Variants in ANTXRL observed in about 807,000 individuals in gnomAD.
ANTXRL encodes ANTXR like, also known as anthrax toxin receptor-like.
Under a neutral mutation model 75.4 loss-of-function variants are expected in ANTXRL, and 63 were observed. The ratio of observed to expected loss-of-function variants is 0.84; its 90% CI spans 0.68 to 1.03. The LOEUF (loss-of-function observed/expected upper bound fraction) is 1.03, where lower values mean the gene tolerates loss of function less well. Ranked by LOEUF, ANTXRL falls within the 50% of genes least tolerant of loss-of-function variation. ANTXRL has a pLI of 0.00. For missense variants in ANTXRL, 797 were observed against 789.4 expected (o/e 1.01, Z -0.12); for synonymous variants, 335 against 291.3 (o/e 1.15, Z -1.53).
chr10:46,316,917 T>C (rs1426279327), intron 16 of ANTXRL, among the ~76,000 whole-genome samples: 4 of 151,942 alleles, frequency 2.6e-5, no homozygotes, highest in Admixed American at 6.5e-5. Flanking sequence ...ATCAGGTGGA[T>C]TGGCGTGTCT....
chr10:46,309,715 C>T (rs1554962943), intron 13 of ANTXRL, among the ~76,000 whole-genome samples: 2 of 152,036 alleles, frequency 1.3e-5, no homozygotes, highest in African/African-American at 4.8e-5. Flanking sequence ...TCTGTCTTTA[C>T]TGAGCTCCAG....
At position 46,292,096 on chromosome 10, in the gene ANTXRL, T is replaced by C; in HGVS notation, c.287T>C (p.Met96Thr). 1 of 1,536,312 alleles carries C rather than the reference T, an allele frequency of 6.5e-7. No homozygotes were observed. The highest frequency in any genetic ancestry group is 8.7e-7 in the Non-Finnish European group (1 of 1,146,810). Reference protein sequence around the residue: ...SVNNNWIDLYMWVEETVARFQ... With the variant: ...SVNNNWIDLYTWVEETVARFQ... ...AACAATAACTGGATTGACCTTTATATGTGGGTGGAGGAAACAGTGGCGAGG... is the reference window on the plus strand; with the variant it reads ...AACAATAACTGGATTGACCTTTATACGTGGGTGGAGGAAACAGTGGCGAGG... Residue 96 changes from methionine (M) to threonine (T), a missense_variant, in exon 2 of 17, where the codon ATG (methionine) becomes ACG (threonine). Physicochemically the swap from Met to Thr is moderately conservative, Grantham distance 81. This residue lies in a region of ANTXRL where 262 missense variants were observed against 271.9 expected (regional missense o/e 0.96). Coordinates refer to ENST00000620264, the MANE Select transcript of ANTXRL (RefSeq NM_001278688.3).
chr10:46,303,656 T>C (rs1171657689), intron 10 of ANTXRL, among the ~76,000 whole-genome samples: 2 of 152,174 alleles, frequency 1.3e-5, no homozygotes, highest in African/African-American at 2.4e-5. Context: ...CAAAATCACA[T>C]GCGTAGAGCA....
intron 12 of ANTXRL, chr10:46,308,469 G>C: frequency 2.3e-6 from 1 of 435,730 alleles, no homozygotes; most frequent in Admixed American, 2.5e-5. Flanking sequence ...CTTCTCTTAA[G>C]TAGAGCTCTG....
chr10:46,319,434 C>T (rs915594936), intron 16 of ANTXRL, among the ~76,000 whole-genome samples: 9 of 152,234 alleles, frequency 5.9e-5, no homozygotes, highest in Admixed American at 1.3e-4. Context: ...CAGTGGACCA[C>T]GGGGACTATT....
At chr10:46,310,614 G>A (rs1838364131) in intron 14 of ANTXRL, 115 bp downstream of exon 14, 1 of 1,137,742 alleles carries the variant, frequency 8.8e-7, no homozygotes, top group African/African-American at 1.5e-5. Context: ...CAGAGAAGTT[G>A]ACAGAGGGGC....
At chr10:46,318,994 A>G (rs1838861932) in intron 16 of ANTXRL, among the ~76,000 whole-genome samples, 3 of 151,060 alleles carry the variant, frequency 2.0e-5, no homozygotes, top group Admixed American at 2.0e-4. Context: ...GTGTGTCCTC[A>G]TTTCAACAGT....
At chr10:46,292,235 C>A in intron 2 of ANTXRL, 106 bp downstream of exon 2, 1 of 1,012,842 alleles carries the variant, frequency 9.9e-7, no homozygotes, top group South Asian at 1.4e-5. Flanking sequence ...GGGAGTCCTT[C>A]AGTGGGGGAC....
Position 46,307,453 on chromosome 10 carries a change from C to T in ANTXRL, c.1017C>T (p.Ser339=), listed in dbSNP as rs1554962216. ...SLNKGKTFFK[S]NVSITSTTCG... ...ACAAAGGCAAAACATTCTTCAAGAGCAATGTCAGCATCACCAGCACCACAT... is the reference window on the plus strand; with the variant it reads ...ACAAAGGCAAAACATTCTTCAAGAGTAATGTCAGCATCACCAGCACCACAT... Residue 339 remains serine (S), a synonymous_variant, in exon 12 of 17, where the codon AGC becomes AGT. Coordinates refer to ENST00000620264, the MANE Select transcript of ANTXRL (RefSeq NM_001278688.3). The T allele has an allele frequency of 6.5e-7, 1 of 1,536,292 alleles. No homozygotes were observed. Among genetic ancestry groups the T allele is most frequent in the Admixed American group, 2.0e-5 (1 of 50,994 alleles).
chr10:46,327,495 G>T (rs1839280420), intron 16 of ANTXRL, among the ~76,000 whole-genome samples: 1 of 152,110 alleles, frequency 6.6e-6, no homozygotes, highest in Admixed American at 6.6e-5. Context: ...AGGTGGCTCA[G>T]GACAGGGTCT....
chr10:46,309,900 G>C (rs1359436113), intron 13 of ANTXRL, among the ~76,000 whole-genome samples: 2 of 152,180 alleles, frequency 1.3e-5, no homozygotes, highest in Non-Finnish European at 2.9e-5. Context: ...GGAGCCCGGG[G>C]CAGGGAAGAT....
intron 16 of ANTXRL, among the ~76,000 whole-genome samples, chr10:46,318,138 C>T (rs888180997): frequency 1.3e-5 from 2 of 152,134 alleles, no homozygotes; most frequent in Non-Finnish European, 2.9e-5. Context: ...GCCCGGGGTC[C>T]TGCTCCGGAG....
intron 16 of ANTXRL, among the ~76,000 whole-genome samples, chr10:46,327,100 G>T (rs1262274707): frequency 1.3e-5 from 2 of 152,130 alleles, no homozygotes; most frequent in Admixed American, 1.3e-4. Context: ...GCTCAGGATG[G>T]CTGGGCTTGG....
intron 1 of ANTXRL, among the ~76,000 whole-genome samples, chr10:46,288,881 A>G (rs1554955855): frequency 6.6e-6 from 1 of 152,172 alleles, no homozygotes; most frequent in African/African-American, 2.4e-5. Flanking sequence ...GGGAGCAGAC[A>G]AAAGCAACCT....
At chr10:46,314,497 A>C (rs1838612218) in intron 16 of ANTXRL, among the ~76,000 whole-genome samples, 1 of 152,032 alleles carries the variant, frequency 6.6e-6, no homozygotes, top group Non-Finnish European at 1.5e-5. Context: ...CCTCAAGCAG[A>C]GGAAAGGCAA....
At chr10:46,326,763 G>A (rs1839234476) in intron 16 of ANTXRL, among the ~76,000 whole-genome samples, 1 of 152,140 alleles carries the variant, frequency 6.6e-6, no homozygotes, top group African/African-American at 2.4e-5. Context: ...CAGGAGGGCA[G>A]TGGTGGGTGG....
At chr10:46,308,472 G>A in intron 12 of ANTXRL, 1 of 439,584 alleles carries the variant, frequency 2.3e-6, no homozygotes, top group Non-Finnish European at 4.5e-6. Flanking sequence ...CTCTTAAGTA[G>A]AGCTCTGGAC....
chr10:46,290,572 C>G (rs1554956201), intron 1 of ANTXRL, among the ~76,000 whole-genome samples: 7 of 152,124 alleles, frequency 4.6e-5, no homozygotes, highest in Non-Finnish European at 1.5e-5. Flanking sequence ...TTTGCATTCC[C>G]ACCAACAAAA....
intron 9 of ANTXRL, among the ~76,000 whole-genome samples, chr10:46,300,175 G>C (rs1463078000): frequency 6.6e-6 from 1 of 152,042 alleles, no homozygotes; most frequent in Admixed American, 6.5e-5. Flanking sequence ...CTCTGCTCAC[G>C]TGGCCCGGCA....
Sources: gnomAD v4.1 joint callset for allele counts (sites outside exome capture counted in the v4.1 genomes callset) on GRCh38, gnomAD v4.1.1 for gene constraint, gnomAD v4.1.1 regional missense constraint, MANE v1.5 for transcripts, NCBI Gene and HGNC (gene_info 2026-07-23, HGNC 2026-07-21) for gene names.